Variants in ERICH5 observed in about 807,000 individuals in gnomAD.
ERICH5 encodes glutamate-rich protein 5.
Under a neutral mutation model 28.0 loss-of-function variants are expected in ERICH5, and 24 were observed. The observed-to-expected ratio is 0.86, with a 90% CI of 0.62 to 1.21. The LOEUF (loss-of-function observed/expected upper bound fraction) is 1.21, where lower values mean the gene tolerates loss of function less well. Among genes scored for constraint, ERICH5 ranks in the 50% most tolerant of loss-of-function variants. The pLI is 0.00. For synonymous variants in ERICH5, 163 were observed against 157.6 expected (o/e 1.03, Z -0.25); for missense variants, 421 against 441.2 (o/e 0.95, Z 0.41).
chr8:98,065,091 CCTT>C (rs1340268475), intron 1 of ERICH5, among the ~76,000 whole-genome samples: 1 of 152,160 alleles, frequency 6.6e-6, no homozygotes. Context: ...CCTATCAAGG[CCTT>C]CTACCAAGGC....
intron 1 of ERICH5, among the ~76,000 whole-genome samples, chr8:98,087,249 A>G (rs1165758975): frequency 2.0e-5 from 3 of 152,204 alleles, no homozygotes; most frequent in Non-Finnish European, 4.4e-5. Flanking sequence ...CAATTCATTT[A>G]GCAACATAGA....
intron 2 of ERICH5, among the ~76,000 whole-genome samples, chr8:98,090,471 T>C (rs1376166158): frequency 1.3e-5 from 2 of 151,842 alleles, no homozygotes; most frequent in Admixed American, 1.3e-4. Flanking sequence ...TCTTAGAAAA[T>C]GACTGTCAGG....
At chr8:98,089,025 A>C in intron 1 of ERICH5, 51 bp from the exon 2 acceptor site, 1 of 1,370,754 alleles carries the variant, frequency 7.3e-7, no homozygotes, top group South Asian at 1.4e-5. Context: ...AAAACTAAAC[A>C]ATAATTTGTG....
At chr8:98,079,620 A>T (rs113072873) in intron 1 of ERICH5, among the ~76,000 whole-genome samples, 22 of 152,124 alleles carry the variant, frequency 1.4e-4, no homozygotes, top group African/African-American at 2.7e-4. Context: ...GCTCACTGCA[A>T]CCTCCGCCTC....
chr8:98,079,952 CCTTTAATGTTGCAAGTTAG>C (rs769786856), intron 1 of ERICH5, among the ~76,000 whole-genome samples: 10 of 152,150 alleles, frequency 6.6e-5, no homozygotes, highest in Non-Finnish European at 1.3e-4. Context: ...GTATCTAAGC[CCTTTAATGTTGCAAGTTAG>C]CTTTTCTGTT....
rs553017564 is a variant in ERICH5 at position 98,089,579 on chromosome 8, C to T, written c.562C>T (p.Leu188=). The T allele has an allele frequency of 2.5e-6, 4 of 1,614,186 alleles. No individual in the cohort carries two copies. Among genetic ancestry groups the T allele is most frequent in the South Asian group, 1.1e-5 (1 of 91,084 alleles). Residue 188 remains leucine, a synonymous_variant, in exon 2 of 3, where the codon CTA becomes TTA. Coordinates refer to ENST00000318528, the MANE Select transcript of ERICH5 (RefSeq NM_173549.3). ...ACAAACTGCTGCAGAGATGAAGCCT[C>T]TAGGAACAACTGAGAACGTTCTGAC... is the stretch of plus-strand genomic sequence containing the variant. ...NPQTAAEMKP[L]GTTENVLTLQ...
At chr8:98,071,752 C>G (rs10095756) in intron 1 of ERICH5, among the ~76,000 whole-genome samples, 16,117 of 152,116 alleles carry the variant, frequency 0.11, 1,158 homozygotes, top group Non-Finnish European at 0.16. Context: ...AGGGCTATTG[C>G]TGTTTTTCAC....
chr8:98,087,686 T>C (rs563109701), intron 1 of ERICH5, among the ~76,000 whole-genome samples: 2 of 152,186 alleles, frequency 1.3e-5, no homozygotes, highest in African/African-American at 2.4e-5. Context: ...AGCTAACTTG[T>C]TGAGCACTTA....
intron 1 of ERICH5, among the ~76,000 whole-genome samples, chr8:98,085,132 C>T (rs190102134): frequency 6.0e-5 from 7 of 116,936 alleles, no homozygotes; most frequent in African/African-American, 1.5e-4. Flanking sequence ...GAACGTTCCA[C>T]AGCCTTTTTT....
At chr8:98,073,596 G>A (rs140488583) in intron 1 of ERICH5, among the ~76,000 whole-genome samples, 117 of 139,602 alleles carry the variant, frequency 8.4e-4, no homozygotes, top group Middle Eastern at 3.6e-3. Flanking sequence ...AGGCTGGAGT[G>A]CAGTGCTGTG....
chr8:98,076,885 G>C (rs1400123824), intron 1 of ERICH5, among the ~76,000 whole-genome samples: 2 of 152,098 alleles, frequency 1.3e-5, no homozygotes, highest in African/African-American at 4.8e-5. Flanking sequence ...TTTAAAAGCA[G>C]CTAAATCTTC....
rs746855901 is a variant in ERICH5, at chr8:98,089,616, C to A, written c.599C>A (p.Ala200Asp). The A allele has an allele frequency of 1.9e-6, 3 of 1,614,130 alleles. No homozygotes were observed. The Admixed American group carries it at 5.0e-5, about 27-fold the overall frequency. Reference sequence around the variant, plus strand: ...GAGAACGTTCTGACTCTGCAAATAGCTGGAGAGCTACAACCTCAGGGCACA... The same window carrying A: ...GAGAACGTTCTGACTCTGCAAATAGATGGAGAGCTACAACCTCAGGGCACA... ...TTENVLTLQI[A>D]GELQPQGTVG... The change falls in exon 2 of 3, where the codon GCT becomes GAT. Residue 200 changes from alanine to aspartate, a missense_variant. Ala to Asp is a moderately radical substitution (Grantham distance 126, BLOSUM62 -2). Coordinates refer to ENST00000318528, the MANE Select transcript of ERICH5 (RefSeq NM_173549.3).
intron 2 of ERICH5, among the ~76,000 whole-genome samples, chr8:98,091,900 CCTTTCTTTCTTTCTTT>C (rs74202034): frequency 6.7e-5 from 5 of 74,676 alleles, no homozygotes; most frequent in African/African-American, 2.8e-4. Context: ...TTCTTTCTTT[CCTTTCTTTCTTTCTTT>C]CTTCCTTTCT....
chr8:98,086,079 A>G (rs915033468), intron 1 of ERICH5, among the ~76,000 whole-genome samples: 1 of 152,142 alleles, frequency 6.6e-6, no homozygotes, highest in Non-Finnish European at 1.5e-5. Context: ...GGTGTTGGTG[A>G]AGGTGGTAGA....
intron 1 of ERICH5, among the ~76,000 whole-genome samples, chr8:98,083,994 C>T (rs1374920009): frequency 2.0e-5 from 3 of 152,156 alleles, no homozygotes; most frequent in Admixed American, 1.3e-4. Context: ...GATCCTCCCC[C>T]ATCAGCCTTC....
chr8:98,071,395 TG>T (rs1360800997), intron 1 of ERICH5, among the ~76,000 whole-genome samples: 1 of 152,232 alleles, frequency 6.6e-6, no homozygotes, highest in African/African-American at 2.4e-5. Flanking sequence ...TGAATACGTG[TG>T]GGGGTTAATG....
At chr8:98,068,649 T>G (rs1421625267) in intron 1 of ERICH5, among the ~76,000 whole-genome samples, 1 of 152,204 alleles carries the variant, frequency 6.6e-6, no homozygotes, top group Non-Finnish European at 1.5e-5. Context: ...GACGTTCACA[T>G]CCAAACCCTC....
At chr8:98,091,561 A>T (rs1231482547) in intron 2 of ERICH5, among the ~76,000 whole-genome samples, 1 of 152,184 alleles carries the variant, frequency 6.6e-6, no homozygotes, top group African/African-American at 2.4e-5. Context: ...AGCCCAGGGG[A>T]CCTTGGCAAA....
chr8:98,066,079 A>G (rs1448635709), intron 1 of ERICH5, among the ~76,000 whole-genome samples: 1 of 152,236 alleles, frequency 6.6e-6, no homozygotes, highest in Non-Finnish European at 1.5e-5. Flanking sequence ...ATGTGAAAAG[A>G]TGGAAAAATT....
Sources: allele counts gnomAD v4.1 joint callset (sites outside exome capture counted in the v4.1 genomes callset), GRCh38; gene constraint gnomAD v4.1.1; transcripts MANE v1.5; gene names NCBI Gene and HGNC (gene_info 2026-07-23, HGNC 2026-07-21).